The following ADAM33 variants were observed in gnomAD, a reference collection of about 807,000 sequenced individuals.
ADAM33 encodes ADAM metallopeptidase domain 33, also known as disintegrin and metalloproteinase domain-containing protein 33.
Under a neutral mutation model 106.2 loss-of-function variants are expected in ADAM33, and 103 were observed. The observed-to-expected ratio is 0.97, with a 90% confidence interval of 0.83 to 1.14. ADAM33 has a LOEUF of 1.14. Among genes scored for constraint, ADAM33 ranks in the 50% most tolerant of loss-of-function variants. The pLI, the probability that ADAM33 is intolerant of heterozygous loss-of-function variation, is 0.00. For missense variants in ADAM33, 1,120 were observed against 1,096.6 expected (o/e 1.02, Z -0.30); for synonymous variants, 483 against 453.0 (o/e 1.07, Z -0.84).
In ADAM33 at chr20:3,673,405, CA is replaced by C; in HGVS notation, c.1081del (p.Cys361AlafsTer108). The part of the protein sequence containing the change: ...LGLSHDPDGC[C>X]VEAAAESGGC... ...TCCGGACTCGGCCGCAGCCTCCACG[CA>C]GCAGCCGTCGGGGTCGTGGCTGAGG... On this transcript the variant is annotated frameshift_variant, in exon 11 of 22. Coordinates refer to ENST00000356518, the MANE Select transcript of ADAM33 (RefSeq NM_025220.5). LOFTEE classifies it high-confidence loss of function. 1 of 1,555,550 alleles carries C rather than the reference CA, an allele frequency of 6.4e-7. No homozygotes were observed. Among genetic ancestry groups the C allele is most frequent in the Non-Finnish European group, 8.6e-7 (1 of 1,157,626 alleles).
chr20:3,674,925 G>A, intron 4 of ADAM33, 76 bp from the exon 5 acceptor site: 1 of 1,608,214 alleles, frequency 6.2e-7, no homozygotes, highest in Non-Finnish European at 8.5e-7. Context: ...TGTGGTAGGG[G>A]CTGGCTCCAA....
At chr20:3,679,806 C>T (rs2146472043) in intron 1 of ADAM33, among the ~76,000 whole-genome samples, 1 of 152,266 alleles carries the variant, frequency 6.6e-6, no homozygotes, top group East Asian at 1.9e-4. Flanking sequence ...AGGGACAGCT[C>T]AGCTGGGGAC....
chr20:3,680,443 G>T (rs1473303594), intron 1 of ADAM33, among the ~76,000 whole-genome samples: 1 of 152,206 alleles, frequency 6.6e-6, no homozygotes, highest in African/African-American at 2.4e-5. Context: ...AAGTGACTCA[G>T]CTCCTGCTAG....
At chr20:3,677,044 C>G (rs905467664) in intron 3 of ADAM33, 23 bp downstream of exon 3, 6 of 1,611,292 alleles carry the variant, frequency 3.7e-6, no homozygotes, top group Non-Finnish European at 5.1e-6. Context: ...CTCCTCCCAG[C>G]CCTACCCCAG....
At position 3,673,182 on chromosome 20, in the gene ADAM33, C is replaced by G; in HGVS notation, c.1133+172G>C. ...AATAATCTTCATACCGTTGAGAATC[C>G]ACTTTGCCTGAGCTTCTTCCCTTTA... On this transcript the variant is annotated intron_variant, in intron 11 of 21. Coordinates refer to ENST00000356518, the MANE Select transcript of ADAM33 (RefSeq NM_025220.5). 3 of 1,519,742 alleles carry G rather than the reference C, an allele frequency of 2.0e-6. No homozygotes were observed. The South Asian group carries it at 3.7e-5, about 19-fold the overall frequency. 94.1% of individuals were successfully genotyped at this position (1,519,742 alleles called of 1,614,324 possible).
chr20:3,673,095 T>C, intron 11 of ADAM33, 197 bp from the exon 12 acceptor site: 1 of 1,452,002 alleles, frequency 6.9e-7, no homozygotes, highest in Non-Finnish European at 9.0e-7. Flanking sequence ...GGACCCAAGG[T>C]GGAATCGCGA....
At chr20:3,673,718 A>G in intron 9 of ADAM33, 27 bp downstream of exon 9, 1 of 1,392,904 alleles carries the variant, frequency 7.2e-7, no homozygotes. Context: ...CCCACCCGGG[A>G]CCCGCGTCCG....
In ADAM33 at chr20:3,673,470, G is replaced by A. The variant is rs1487042662; in HGVS notation, c.1017C>T (p.Ala339=). Residue 339 remains alanine (A), a synonymous_variant, in exon 11 of 22, where the codon GCC becomes GCT. Transcript: ENST00000356518. ...STDHSELPIG[A]AATMAHEIGH... is the part of the protein sequence containing the mutation. ...CGATCTCATGGGCCATGGTGGCTGC[G>A]GCGCCGATGGGGAGCTCCGAGTGGT... The A allele has an allele frequency of 4.5e-6, 7 of 1,541,448 alleles. No individual in the cohort carries two copies. Among genetic ancestry groups the A allele is most frequent in the South Asian group, 1.2e-5 (1 of 80,040 alleles).
At chr20:3,672,650 G>A (rs1311982182) in intron 12 of ADAM33, 24 bp from the exon 13 acceptor site, 16 of 1,612,480 alleles carry the variant, frequency 9.9e-6, no homozygotes, top group Non-Finnish European at 1.3e-5. Context: ...GGCAAGAAGG[G>A]CCCAGGTGAG....
At position 3,673,472 on chromosome 20, in the gene ADAM33, C is replaced by A; in HGVS notation, c.1015G>T (p.Ala339Ser). Residue 339 changes from alanine (A) to serine (S), a missense_variant, in exon 11 of 22, where the codon GCC becomes TCC. Coordinates refer to ENST00000356518, the MANE Select transcript of ADAM33 (RefSeq NM_025220.5). ...ATCTCATGGGCCATGGTGGCTGCGG[C>A]GCCGATGGGGAGCTCCGAGTGGTCC... is the stretch of plus-strand genomic sequence containing the variant. Reference protein sequence around the residue: ...STDHSELPIGAAATMAHEIGH... With the variant: ...STDHSELPIGSAATMAHEIGH... 6.5e-7 allele frequency: 1 copy of A among 1,540,124 alleles called. No individual in the cohort carries two copies.
At chr20:3,669,126 C>A in intron 21 of ADAM33, 126 bp from the exon 22 acceptor site, 1 of 1,292,926 alleles carries the variant, frequency 7.7e-7, no homozygotes, top group Non-Finnish European at 1.1e-6. Context: ...TTCTCCCTCC[C>A]CAGCCCAGGG....
In ADAM33 at chr20:3,669,046, G is replaced by A. The variant is rs773225118; in HGVS notation, c.2405-46C>T. Reference sequence around the variant, plus strand: ...TTGTCCCCTAAGGACTGGGGCCCCAGGCTGCAAGCTGTGTGGCAGAGAGCC... The same window carrying A: ...TTGTCCCCTAAGGACTGGGGCCCCAAGCTGCAAGCTGTGTGGCAGAGAGCC... On this transcript the variant is annotated intron_variant, in intron 21 of 21. Transcript: ENST00000356518. 1.0e-5 allele frequency: 16 copies of A among 1,603,592 alleles called. No homozygotes were observed. In the East Asian group the frequency reaches 3.3e-4, roughly 34 times the overall value.
intron 1 of ADAM33, among the ~76,000 whole-genome samples, chr20:3,681,475 C>T (rs953506289): frequency 2.0e-5 from 3 of 152,160 alleles, no homozygotes; most frequent in African/African-American, 7.2e-5. Context: ...GACTCTTGGG[C>T]ATGGGGGCTT....
Position 3,677,115 on chromosome 20 carries a change from G to A in ADAM33, c.206C>T (p.Ala69Val), listed in dbSNP as rs957742227. ...PVSKPDMGLVALEAEGQELLL... is the reference protein window; with the variant it reads ...PVSKPDMGLVVLEAEGQELLL... The stretch of plus-strand genomic sequence containing the variant: ...GAGCTCCTGGCCTTCAGCCTCCAGG[G>A]CCACCAGCCCCATGTCTGGCTTCGA... The change falls in exon 3 of 22, where the codon GCC becomes GTC. Residue 69 changes from alanine (A) to valine (V), a missense_variant. Physicochemically the swap from Ala to Val is moderately conservative, Grantham distance 64. Coordinates refer to ENST00000356518, the MANE Select transcript of ADAM33 (RefSeq NM_025220.5). The A allele has an allele frequency of 7.4e-6, 12 of 1,611,242 alleles. 1 individual carries two copies. Among genetic ancestry groups the A allele is most frequent in the South Asian group, 3.3e-5 (3 of 90,938 alleles).
At chr20:3,673,988 T>C in intron 8 of ADAM33, 76 bp downstream of exon 8, 1 of 1,605,950 alleles carries the variant, frequency 6.2e-7, no homozygotes, top group South Asian at 1.1e-5. Context: ...GCCCTTCCTC[T>C]TCCCCAAACC....
chr20:3,679,893 C>A (rs1430717441), intron 1 of ADAM33, among the ~76,000 whole-genome samples: 1 of 152,178 alleles, frequency 6.6e-6, no homozygotes. Context: ...GCCGCCAGTG[C>A]AGAGGGGAAG....
At position 3,674,576 on chromosome 20, in the gene ADAM33, T is replaced by C. The variant is rs1241321119; in HGVS notation, c.528A>G (p.Lys176=). ...CAGGATCCCTGTGGCCACAGGTTCC[T>C]TTCCAGGTGAGCAGCTGCTCCATCC... ...IFRMEQLLTW[K]GTCGHRDPGN... The change falls in exon 6 of 22, where the codon AAA becomes AAG. Residue 176 remains lysine, a synonymous_variant. Coordinates refer to ENST00000356518, the MANE Select transcript of ADAM33 (RefSeq NM_025220.5). 5.0e-6 allele frequency: 8 copies of C among 1,613,456 alleles called. No individual in the cohort carries two copies. Among genetic ancestry groups the C allele is most frequent in the Admixed American group, 1.7e-5 (1 of 59,886 alleles).
chr20:3,674,532 GT>G lies in ADAM33; in HGVS notation c.571del (p.Thr191ProfsTer34), dbSNP rs1210533562. On this transcript the variant is annotated frameshift_variant, in exon 6 of 22. Coordinates refer to ENST00000356518, the MANE Select transcript of ADAM33 (RefSeq NM_025220.5). LOFTEE classifies it high-confidence loss of function. ...HRDPGNKAGM[T>X]SLPGGPQSRG... The stretch of plus-strand genomic sequence containing the variant: ...GCTCTGGGGACCACCAGGAAGGCTG[GT>G]CATGCCCGCTTTGTTCCCAGGATCC... 6.2e-7 allele frequency: 1 copy of G among 1,613,466 alleles called. No individual in the cohort carries two copies. The highest frequency in any genetic ancestry group is 8.5e-7 in the Non-Finnish European group (1 of 1,179,970).
chr20:3,679,621 G>C, intron 1 of ADAM33, 50 bp from the exon 2 acceptor site: 1 of 1,528,288 alleles, frequency 6.5e-7, no homozygotes, highest in Non-Finnish European at 8.9e-7. Flanking sequence ...GAACACAGGG[G>C]CATGGGACAA....
Sources: gnomAD v4.1 joint callset for allele counts (sites outside exome capture counted in the v4.1 genomes callset) on GRCh38, gnomAD v4.1.1 for gene constraint, MANE v1.5 for transcripts, NCBI Gene and HGNC (gene_info 2026-07-23, HGNC 2026-07-21) for gene names.